Variants in PTPRG observed in about 807,000 individuals in gnomAD.
PTPRG encodes the protein receptor-type tyrosine-protein phosphatase gamma.
PTPRG carries 102 observed loss-of-function variants against 165.3 expected under a neutral mutation model. The observed-to-expected ratio is 0.62, with a 90% CI of 0.53 to 0.73. The LOEUF (loss-of-function observed/expected upper bound fraction) is 0.73. Ranked by LOEUF, PTPRG falls within the 30% of genes least tolerant of loss-of-function variation. The probability of loss-of-function intolerance (pLI) is 0.00; values close to 1 mark genes in which losing one functional copy is unlikely to be tolerated. For missense variants in PTPRG, 1,866 were observed against 1,861.4 expected (o/e 1.00, Z -0.05); for synonymous variants, 675 against 669.5 (o/e 1.01, Z -0.13).
intron 2 of PTPRG, among the ~76,000 whole-genome samples, chr3:61,754,225 T>C (rs2033555225): frequency 6.6e-6 from 1 of 152,190 alleles, no homozygotes; most frequent in African/African-American, 2.4e-5. Context: ...CCAGGGGCCA[T>C]CCATGGTCCT....
At chr3:62,086,434 G>A (rs916530281) in intron 5 of PTPRG, among the ~76,000 whole-genome samples, 1 of 152,104 alleles carries the variant, frequency 6.6e-6, no homozygotes, top group African/African-American at 2.4e-5. Context: ...CTATTTTTGA[G>A]TCTGAGAAAA....
intron 2 of PTPRG, chr3:61,769,848 C>T (rs2034152122): frequency 6.6e-6 from 1 of 152,066 alleles, no homozygotes; most frequent in Non-Finnish European, 1.5e-5. Flanking sequence ...AGCACATTCC[C>T]CAATTAGACA....
intron 2 of PTPRG, among the ~76,000 whole-genome samples, chr3:61,807,516 A>G (rs112831275): frequency 1.2e-3 from 183 of 152,278 alleles, no homozygotes; most frequent in Non-Finnish European, 2.1e-3. Context: ...ATTGTGGTCA[A>G]TTTGGTGACA....
At chr3:61,692,950 A>G (rs1325751498) in intron 1 of PTPRG, among the ~76,000 whole-genome samples, 13 of 152,146 alleles carry the variant, frequency 8.5e-5, no homozygotes, top group African/African-American at 2.2e-4. Context: ...TTTTTTTGGT[A>G]TGTTGTACAT....
At chr3:61,701,466 G>T (rs1204688293) in intron 1 of PTPRG, among the ~76,000 whole-genome samples, 1 of 152,044 alleles carries the variant, frequency 6.6e-6, no homozygotes, top group Non-Finnish European at 1.5e-5. Context: ...GATTATAATA[G>T]TAATATTTGA....
At chr3:61,631,904 T>C (rs892079270) in intron 1 of PTPRG, among the ~76,000 whole-genome samples, 5 of 152,118 alleles carry the variant, frequency 3.3e-5, no homozygotes, top group Admixed American at 1.3e-4. Context: ...ATGTAAATAA[T>C]CAATTGCTGT....
At position 61,685,056 on chromosome 3, in the gene PTPRG, T is replaced by TC. The variant is rs551925892; in HGVS notation, c.86-63819dup. Reference sequence around the variant, plus strand: ...CTCCTCCCGCTCTCCTTCTTTCTTTTCCCGCTCCTCCGCCTCTCTCATTCT... The same window carrying TC: ...CTCCTCCCGCTCTCCTTCTTTCTTTTCCCCGCTCCTCCGCCTCTCTCATTCT... On this transcript the variant is annotated intron_variant, in intron 1 of 29. Transcript: ENST00000474889. 1.8e-4 allele frequency among the ~76,000 whole-genome samples: 27 copies of TC among 152,246 alleles called. No homozygotes were observed. In the East Asian group the frequency reaches 5.2e-3, roughly 29 times the overall value.
chr3:61,678,145 T>A (rs1260222110), intron 1 of PTPRG, among the ~76,000 whole-genome samples: 1 of 152,114 alleles, frequency 6.6e-6, no homozygotes, highest in Non-Finnish European at 1.5e-5. Flanking sequence ...TCCAGTCTCA[T>A]AAGCAAACCA....
chr3:61,951,676 A>G (rs1308520709), intron 2 of PTPRG, among the ~76,000 whole-genome samples: 1 of 152,092 alleles, frequency 6.6e-6, no homozygotes, highest in Non-Finnish European at 1.5e-5. Context: ...TTTTTGGGGA[A>G]TGTGCAAGGG....
intron 5 of PTPRG, among the ~76,000 whole-genome samples, chr3:62,120,849 T>C (rs1311407326): frequency 2.0e-5 from 3 of 152,212 alleles, no homozygotes; most frequent in African/African-American, 7.2e-5. Flanking sequence ...GATTGACCTG[T>C]CTATAGCCAG....
chr3:61,687,701 A>G (rs1559557640), intron 1 of PTPRG, among the ~76,000 whole-genome samples: 1 of 152,248 alleles, frequency 6.6e-6, no homozygotes, highest in Non-Finnish European at 1.5e-5. Context: ...TCTTTTTATT[A>G]ACACATTAGA....
At position 61,729,301 on chromosome 3, in the gene PTPRG, CA is replaced by C. The variant is rs138267638; in HGVS notation, c.86-19575del. On this transcript the variant is annotated intron_variant, in intron 1 of 29. Transcript: ENST00000474889. ...CGTATGTTTCAGGATGGCTTGATAC[CA>C]ACATTTTTAAAGGGAAGAGTAAAGT... 8.0e-3 allele frequency among the ~76,000 whole-genome samples: 1,210 copies of C among 152,184 alleles called. 22 individuals are homozygous for C. The highest frequency in any genetic ancestry group is 0.027 in the African/African-American group (1,129 of 41,508).
At chr3:61,667,006 C>T (rs1356982259) in intron 1 of PTPRG, among the ~76,000 whole-genome samples, 2 of 152,178 alleles carry the variant, frequency 1.3e-5, no homozygotes, top group African/African-American at 4.8e-5. Flanking sequence ...CTTACCCCCC[C>T]AATTCATTTG....
At chr3:62,063,131 CT>C (rs1184808936) in intron 4 of PTPRG, among the ~76,000 whole-genome samples, 8 of 152,216 alleles carry the variant, frequency 5.3e-5, no homozygotes, top group Non-Finnish European at 1.2e-4. Context: ...TGATTTACCC[CT>C]GATCTTAGCA....
chr3:61,574,448 C>T (rs781591257), intron 1 of PTPRG, among the ~76,000 whole-genome samples: 1 of 152,204 alleles, frequency 6.6e-6, no homozygotes, highest in Non-Finnish European at 1.5e-5. Flanking sequence ...TGTTTTATCC[C>T]TCTTCCCACC....
At chr3:62,145,383 C>G (rs930051414) in intron 6 of PTPRG, among the ~76,000 whole-genome samples, 1 of 152,276 alleles carries the variant, frequency 6.6e-6, no homozygotes, top group South Asian at 2.1e-4. Flanking sequence ...CCATCATCAT[C>G]ATTATTGTTA....
intron 2 of PTPRG, among the ~76,000 whole-genome samples, chr3:61,853,172 A>C (rs2037012496): frequency 6.6e-6 from 1 of 152,210 alleles, no homozygotes; most frequent in Admixed American, 6.5e-5. Context: ...AATAGAAAAC[A>C]TTAAAGCAGG....
chr3:62,042,563 C>G (rs949505711), intron 4 of PTPRG, among the ~76,000 whole-genome samples: 3 of 152,116 alleles, frequency 2.0e-5, no homozygotes, highest in African/African-American at 7.2e-5. Flanking sequence ...CGCACCGCCA[C>G]CCTGCATGAC....
chr3:61,600,441 G>A (rs1168946747), intron 1 of PTPRG, among the ~76,000 whole-genome samples: 1 of 152,040 alleles, frequency 6.6e-6, no homozygotes, highest in Non-Finnish European at 1.5e-5. Context: ...TGATTCACGG[G>A]ATTTGTCAGG....
Sources: allele counts gnomAD v4.1 joint callset (sites outside exome capture counted in the v4.1 genomes callset), GRCh38; gene constraint gnomAD v4.1.1; transcripts MANE v1.5; gene names NCBI Gene and HGNC (gene_info 2026-07-23, HGNC 2026-07-21).